CRTAC1: variants seen among roughly 807,000 people sequenced by gnomAD.
The protein encoded by CRTAC1 is cartilage acidic protein 1.
A neutral mutation model predicts 67.8 loss-of-function variants in CRTAC1; 37 were observed. That is an observed-to-expected ratio of 0.55 (90% CI 0.42 to 0.72). The LOEUF (loss-of-function observed/expected upper bound fraction) is 0.72. CRTAC1 is among the 30% of genes least tolerant of loss of function. CRTAC1 has a pLI of 0.00. For missense variants in CRTAC1, 780 were observed against 931.6 expected (o/e 0.84, Z 2.12); for synonymous variants, 348 against 371.0 (o/e 0.94, Z 0.71).
intron 2 of CRTAC1, among the ~76,000 whole-genome samples, chr10:97,958,066 G>A (rs1302257712): frequency 6.6e-6 from 1 of 151,990 alleles, no homozygotes; most frequent in Non-Finnish European, 1.5e-5. Flanking sequence ...CTGGCTCTAG[G>A]TTTCTTCTTT....
At chr10:98,022,908 G>A (rs750697444) in intron 1 of CRTAC1, among the ~76,000 whole-genome samples, 3 of 152,118 alleles carry the variant, frequency 2.0e-5, no homozygotes, top group Non-Finnish European at 4.4e-5. Flanking sequence ...GGCACTGGAT[G>A]ACCTCCAAAG....
At chr10:97,899,940 G>T (rs894548803) in intron 8 of CRTAC1, among the ~76,000 whole-genome samples, 1 of 152,210 alleles carries the variant, frequency 6.6e-6, no homozygotes, top group Non-Finnish European at 1.5e-5. Flanking sequence ...GACTCATGGG[G>T]AGACCCTGAG....
At chr10:97,949,310 C>A (rs1297360470) in intron 2 of CRTAC1, among the ~76,000 whole-genome samples, 1 of 152,192 alleles carries the variant, frequency 6.6e-6, no homozygotes, top group African/African-American at 2.4e-5. Flanking sequence ...GGACCCTGGT[C>A]CCACAGAGAA....
intron 2 of CRTAC1, among the ~76,000 whole-genome samples, chr10:97,990,165 G>A (rs879834323): frequency 1.2e-4 from 19 of 152,220 alleles, no homozygotes; most frequent in Non-Finnish European, 2.6e-4. Flanking sequence ...ATTCTCAGAT[G>A]TCATGTAATA....
intron 2 of CRTAC1, among the ~76,000 whole-genome samples, chr10:98,006,441 C>T (rs750492022): frequency 1.3e-4 from 20 of 152,118 alleles, no homozygotes; most frequent in Non-Finnish European, 2.2e-4. Context: ...GGATCTGAGC[C>T]GGCCCAGTCC....
intron 1 of CRTAC1, among the ~76,000 whole-genome samples, chr10:98,023,726 C>G (rs906462923): frequency 5.3e-5 from 8 of 152,162 alleles, no homozygotes; most frequent in Admixed American, 5.2e-4. Flanking sequence ...CAGGGACTGA[C>G]CTCCAGAGGC....
rs368812326 is a variant in CRTAC1 at position 97,904,671 on chromosome 10, G to A, written c.994C>T (p.Arg332Trp). ...QMSTHGKVRF[R>W]DIASPKFSMP... ...CCTGGGGTGAGGCCCCTTCTTACCC[G>A]GAAGCGGACCTTCCCATGGGTGCTC... is the stretch of plus-strand genomic sequence containing the variant. The change falls in exon 7 of 15, where the codon CGG becomes TGG. Residue 332 changes from arginine to tryptophan, a missense_variant and splice_region_variant. Arg to Trp is a moderately radical substitution (Grantham distance 101). Coordinates refer to ENST00000370597, the MANE Select transcript of CRTAC1 (RefSeq NM_018058.7). The A allele has an allele frequency of 6.5e-6, 10 of 1,544,204 alleles. No individual in the cohort carries two copies. Among genetic ancestry groups the A allele is most frequent in the African/African-American group, 4.2e-5 (3 of 71,472 alleles).
In CRTAC1 at chr10:97,875,041, C is replaced by T. The variant is rs369331411; in HGVS notation, c.1819+5208G>A. Among the ~76,000 whole-genome samples, 8 of 152,236 alleles carry T rather than the reference C, an allele frequency of 5.3e-5. No homozygotes were observed. The East Asian group carries it at 7.7e-4, about 15-fold the overall frequency. ...AGCCACTAGAACAACATCCAGCACA[C>T]AGTAGGCGTTCAGTCACTGTACATC... On this transcript the variant is annotated intron_variant, in intron 14 of 14. Transcript: ENST00000370597.
intron 2 of CRTAC1, among the ~76,000 whole-genome samples, chr10:97,988,332 A>T (rs2052018806): frequency 6.6e-6 from 1 of 152,312 alleles, no homozygotes; most frequent in East Asian, 1.9e-4. Context: ...CCAGTTCATT[A>T]AAGATGAAGA....
intron 2 of CRTAC1, among the ~76,000 whole-genome samples, chr10:97,996,188 C>G (rs577586106): frequency 6.6e-6 from 1 of 151,834 alleles, no homozygotes; most frequent in East Asian, 1.9e-4. Context: ...GACTTCATGT[C>G]TAAAACACCA....
chr10:97,883,022 C>T (rs1474134353), intron 12 of CRTAC1, among the ~76,000 whole-genome samples, 194 bp from the exon 13 acceptor site: 1 of 152,248 alleles, frequency 6.6e-6, no homozygotes, highest in Non-Finnish European at 1.5e-5. Context: ...GGCGGGAAGG[C>T]CATGAATGGA....
rs1309947340 is a variant in CRTAC1, at chr10:98,029,287, C to T, written c.24+1162G>A. Among the ~76,000 whole-genome samples, 1 of 152,172 alleles carries T rather than the reference C, an allele frequency of 6.6e-6. No individual in the cohort carries two copies. The highest frequency in any genetic ancestry group is 1.5e-5 in the Non-Finnish European group (1 of 68,034). On this transcript the variant is annotated intron_variant, in intron 1 of 14. Coordinates refer to ENST00000370597, the MANE Select transcript of CRTAC1 (RefSeq NM_018058.7). This position sits in a 1 kb window ranked among gnomAD's most constrained non-coding sequence, Gnocchi z 4.7. ...TCGCTTATCTCTTCCCACATGAGTTCTCCCCTGACTCAAGAAAACACTATA... is the reference window on the plus strand; with the variant it reads ...TCGCTTATCTCTTCCCACATGAGTTTTCCCCTGACTCAAGAAAACACTATA...
At position 97,901,601 on chromosome 10, in the gene CRTAC1, G is replaced by T; in HGVS notation, c.1035C>A (p.Val345=). ...CAAAGTCGGCGGTGATGACCGTGCG[G>T]ACAGGGGAGGGCATGGAGAACTTGG... ...ASPKFSMPSP[V]RTVITADFDN... Residue 345 remains valine (V), a synonymous_variant, in exon 8 of 15, where the codon GTC becomes GTA. Coordinates refer to ENST00000370597, the MANE Select transcript of CRTAC1 (RefSeq NM_018058.7). 6.2e-7 allele frequency: 1 copy of T among 1,614,090 alleles called. No individual in the cohort carries two copies.
At chr10:97,902,848 G>A (rs189748305) in intron 7 of CRTAC1, among the ~76,000 whole-genome samples, 105 of 151,764 alleles carry the variant, frequency 6.9e-4, no homozygotes, top group African/African-American at 2.4e-3. Context: ...GAAAGAGGCT[G>A]TCTCCATCAG....
At chr10:97,993,601 T>C (rs1374711339) in intron 2 of CRTAC1, among the ~76,000 whole-genome samples, 1 of 152,236 alleles carries the variant, frequency 6.6e-6, no homozygotes, top group African/African-American at 2.4e-5. Flanking sequence ...ATTGAATTGA[T>C]TGATGTTGCT....
intron 4 of CRTAC1, among the ~76,000 whole-genome samples, chr10:97,918,153 C>T (rs1423538389): frequency 3.3e-5 from 5 of 152,206 alleles, no homozygotes. Context: ...CGCGCTTCTT[C>T]ATTCCTCTGT....
intron 2 of CRTAC1, among the ~76,000 whole-genome samples, chr10:97,954,044 G>T (rs1355019184): frequency 6.6e-6 from 1 of 152,180 alleles, no homozygotes; most frequent in Non-Finnish European, 1.5e-5. Context: ...CAGCTGGGCT[G>T]CCGTGGCATC....
At chr10:97,964,760 G>A (rs552405286) in intron 2 of CRTAC1, among the ~76,000 whole-genome samples, 153 of 152,278 alleles carry the variant, frequency 1.0e-3, no homozygotes, top group African/African-American at 3.3e-3. Context: ...CTTCTTTCTC[G>A]ATAGCTACTG....
chr10:97,921,044 G>A (rs1176994455), intron 4 of CRTAC1, among the ~76,000 whole-genome samples: 1 of 152,232 alleles, frequency 6.6e-6, no homozygotes, highest in East Asian at 1.9e-4. Context: ...TGGGGGCGGG[G>A]CTGAGGCATT....
Sources: gnomAD v4.1 joint callset for allele counts (sites outside exome capture counted in the v4.1 genomes callset) on GRCh38, gnomAD v4.1.1 for gene constraint, Gnocchi (gnomAD v3.1) non-coding constraint, MANE v1.5 for transcripts, NCBI Gene and HGNC (gene_info 2026-07-23, HGNC 2026-07-21) for gene names.